Variants in NMT2 observed in about 807,000 individuals in gnomAD.
The protein encoded by NMT2 is glycylpeptide N-tetradecanoyltransferase 2.
NMT2 carries 35 observed loss-of-function variants against 65.4 expected under a neutral mutation model. That is an observed-to-expected ratio of 0.54 (90% CI 0.41 to 0.71). The LOEUF (loss-of-function observed/expected upper bound fraction) is 0.71, where lower values mean the gene tolerates loss of function less well. Among genes scored for constraint, NMT2 ranks in the 30% least tolerant of loss-of-function variants. The pLI is 0.00. For missense variants in NMT2, 489 were observed against 611.3 expected (o/e 0.80, Z 2.11); for synonymous variants, 226 against 231.8 (o/e 0.98, Z 0.23).
At chr10:15,153,904 C>T (rs547994643) in intron 1 of NMT2, among the ~76,000 whole-genome samples, 1 of 152,034 alleles carries the variant, frequency 6.6e-6, no homozygotes, top group Non-Finnish European at 1.5e-5. Context: ...CCACCCGCCT[C>T]GCCCCCCAAA....
At chr10:15,159,558 G>C (rs1833116478) in intron 1 of NMT2, among the ~76,000 whole-genome samples, 1 of 152,050 alleles carries the variant, frequency 6.6e-6, no homozygotes, top group Non-Finnish European at 1.5e-5. Context: ...CTCCCGATTA[G>C]CTGGGATTAC....
chr10:15,144,054 T>C (rs1846871292), intron 1 of NMT2, among the ~76,000 whole-genome samples: 1 of 152,234 alleles, frequency 6.6e-6, no homozygotes, highest in Non-Finnish European at 1.5e-5. Flanking sequence ...AACTCCATTT[T>C]GGGAGTTAAT....
Position 15,158,663 on chromosome 10 carries a change from T to C in NMT2, c.110+9840A>G, listed in dbSNP as rs913415997. Among the ~76,000 whole-genome samples, 8 of 152,212 alleles carry C rather than the reference T, an allele frequency of 5.3e-5. No individual in the cohort carries two copies. The East Asian group carries it at 1.5e-3, about 29-fold the overall frequency. On this transcript the variant is annotated intron_variant, in intron 1 of 11. Coordinates refer to ENST00000378165, the MANE Select transcript of NMT2 (RefSeq NM_004808.3). Reference sequence around the variant, plus strand: ...CCTGTGAGTAGACAGGCAGACACGCTGTGTTCTGCAAACATGTTTTGAGGT... The same window carrying C: ...CCTGTGAGTAGACAGGCAGACACGCCGTGTTCTGCAAACATGTTTTGAGGT...
rs1349309556 is a variant in NMT2, at chr10:15,106,896, T to G, written c.*2299A>C. 1.3e-5 allele frequency among the ~76,000 whole-genome samples: 2 copies of G among 151,986 alleles called. No individual in the cohort carries two copies. The highest frequency in any genetic ancestry group is 2.9e-5 in the Non-Finnish European group (2 of 67,992). On this transcript the variant is annotated 3_prime_UTR_variant, in exon 12 of 12. Transcript: ENST00000378165. The stretch of plus-strand genomic sequence containing the variant: ...CAGAAGGATCACTTGAGGCCAGGAG[T>G]TAAAGACCAGCACGGGAAACATAGC...
chr10:15,127,536 G>T (rs1589310511), intron 8 of NMT2, among the ~76,000 whole-genome samples: 1 of 66,338 alleles, frequency 1.5e-5, no homozygotes, highest in Non-Finnish European at 2.3e-5. Flanking sequence ...GACAGAGTGA[G>T]ACTCCGTCTC....
rs147478052 is a variant in NMT2 at position 15,157,223 on chromosome 10, C to T, written c.110+11280G>A. 3.0e-4 allele frequency among the ~76,000 whole-genome samples: 46 copies of T among 152,264 alleles called. No individual in the cohort carries two copies. The East Asian group carries it at 7.9e-3, about 26-fold the overall frequency. On this transcript the variant is annotated intron_variant, in intron 1 of 11. Transcript: ENST00000378165. ...TGTGAGTTTAAGCCAGGAACAGAAG[C>T]GCACTAAACAAAACAGAAACTGTAA...
At chr10:15,123,410 T>A (rs968372712) in intron 8 of NMT2, among the ~76,000 whole-genome samples, 2 of 151,544 alleles carry the variant, frequency 1.3e-5, no homozygotes, top group Non-Finnish European at 2.9e-5. Context: ...GTGGCTGTAG[T>A]CCCAGCTACT....
intron 8 of NMT2, among the ~76,000 whole-genome samples, chr10:15,126,533 A>ACT (rs961270426): frequency 2.6e-5 from 4 of 151,578 alleles, no homozygotes; most frequent in African/African-American, 9.7e-5. Context: ...CTCTCTATAG[A>ACT]CTCTCTCTCT....
intron 8 of NMT2, among the ~76,000 whole-genome samples, chr10:15,127,802 C>A (rs1230303402): frequency 6.6e-6 from 1 of 150,394 alleles, no homozygotes; most frequent in African/African-American, 2.5e-5. Flanking sequence ...ACTTGGGAGG[C>A]TGAGGTGGGA....
chr10:15,113,463 C>CAAAAAAAAAAAAAAAAAA (rs1169255963), intron 9 of NMT2, among the ~76,000 whole-genome samples: 16 of 36,998 alleles, frequency 4.3e-4, no homozygotes, highest in African/African-American at 1.0e-3. Flanking sequence ...GGATGAGACT[C>CAAAAAAAAAAAAAAAAAA]AAAAAAAAAA....
At chr10:15,155,300 G>T (rs780560232) in intron 1 of NMT2, 10 of 1,338,896 alleles carry the variant, frequency 7.5e-6, no homozygotes, top group Middle Eastern at 1.8e-4. Context: ...CGATGTTGAA[G>T]AACATGGTGG....
Position 15,168,665 on chromosome 10 carries a change from C to T in NMT2, c.-53G>A. 7.0e-7 allele frequency: 1 copy of T among 1,418,756 alleles called. No homozygotes were observed. Among genetic ancestry groups the T allele is most frequent in the Non-Finnish European group, 9.6e-7 (1 of 1,045,140 alleles). 87.9% of individuals were successfully genotyped at this position (1,418,756 alleles called of 1,614,324 possible). A position where few individuals can be genotyped will look rare whatever the true frequency, so the allele number is the denominator to read the frequency against. On this transcript the variant is annotated 5_prime_UTR_variant, in exon 1 of 12. Transcript: ENST00000378165. ...GCTCGGGGCCGGGCCGGAGCGGCCG[C>T]AGCTCCCTCTAGTGCCTCCCGCCGT... is the stretch of plus-strand genomic sequence containing the variant.
Position 15,109,006 on chromosome 10 carries a change from AG to A in NMT2, c.*188del. 7.3e-7 allele frequency: 1 copy of A among 1,375,196 alleles called. No individual in the cohort carries two copies. The highest frequency in any genetic ancestry group is 9.4e-7 in the Non-Finnish European group (1 of 1,068,924). The allele number at this position is 1,375,196 out of a possible 1,614,324, so 85.2% of individuals were successfully genotyped here. On this transcript the variant is annotated 3_prime_UTR_variant, in exon 12 of 12. Transcript: ENST00000378165. ...CCACAAATAGGTCAACAGTAAAAAAAGGATGAAGTTTAACATTCTAGCTAGA... is the reference window on the plus strand; with the variant it reads ...CCACAAATAGGTCAACAGTAAAAAAAGATGAAGTTTAACATTCTAGCTAGA...
chr10:15,145,922 C>T (rs997476927), intron 1 of NMT2, among the ~76,000 whole-genome samples: 1 of 152,080 alleles, frequency 6.6e-6, no homozygotes, highest in African/African-American at 2.4e-5. Context: ...AGGTGCTAAG[C>T]GGGCTTCCAG....
At chr10:15,151,059 C>CTTTT (rs200879621) in intron 1 of NMT2, among the ~76,000 whole-genome samples, 1 of 139,896 alleles carries the variant, frequency 7.1e-6, no homozygotes, top group Admixed American at 7.2e-5. Flanking sequence ...TAGCTTCCTC[C>CTTTT]TTTTTTTTTT....
In NMT2 at chr10:15,168,495, G is replaced by C; in HGVS notation, c.110+8C>G. On this transcript the variant is annotated splice_region_variant and intron_variant, in intron 1 of 11. Coordinates refer to ENST00000378165, the MANE Select transcript of NMT2 (RefSeq NM_004808.3). Reference sequence around the variant, plus strand: ...GTCGCGCCCGGTGCGCCAGCGCGCCGCCCCTACCCTTTGGCGTGCTCCGTC... The same window carrying C: ...GTCGCGCCCGGTGCGCCAGCGCGCCCCCCCTACCCTTTGGCGTGCTCCGTC... 1 of 1,572,944 alleles carries C rather than the reference G, an allele frequency of 6.4e-7. No homozygotes were observed. The highest frequency in any genetic ancestry group is 1.1e-5 in the South Asian group (1 of 88,960).
intron 1 of NMT2, chr10:15,155,450 C>G: frequency 2.0e-6 from 1 of 491,886 alleles, no homozygotes; most frequent in Non-Finnish European, 3.7e-6. Context: ...CTCACTGCAG[C>G]CTTGAACTTC....
chr10:15,151,580 ATTTACATATC>A (rs1832804073), intron 1 of NMT2, among the ~76,000 whole-genome samples: 1 of 152,252 alleles, frequency 6.6e-6, no homozygotes, highest in Non-Finnish European at 1.5e-5. Flanking sequence ...AAAATTTGTT[ATTTACATATC>A]TTTAAGATCA....
chr10:15,129,338 GA>G lies in NMT2; in HGVS notation c.890+803del, dbSNP rs2131534850. The stretch of plus-strand genomic sequence containing the variant: ...TATTTGAGTCAATAAAAACAGTGGT[GA>G]GGGGTGGGGAGATAAACTCTGATGT... On this transcript the variant is annotated intron_variant, in intron 7 of 11. Coordinates refer to ENST00000378165, the MANE Select transcript of NMT2 (RefSeq NM_004808.3). Among the ~76,000 whole-genome samples, 2 of 152,288 alleles carry G rather than the reference GA, an allele frequency of 1.3e-5. 1 individual carries two copies. Among genetic ancestry groups the G allele is most frequent in the African/African-American group, 4.8e-5 (2 of 41,544 alleles).
Sources: allele counts gnomAD v4.1 joint callset (sites outside exome capture counted in the v4.1 genomes callset), GRCh38; gene constraint gnomAD v4.1.1; transcripts MANE v1.5; gene names NCBI Gene and HGNC (gene_info 2026-07-23, HGNC 2026-07-21).